UNC5D: variants seen among roughly 807,000 people sequenced by gnomAD.
The protein encoded by UNC5D is netrin receptor UNC5D.
Under a neutral mutation model 105.4 loss-of-function variants are expected in UNC5D, and 39 were observed. The observed-to-expected ratio is 0.37, with a 90% CI of 0.29 to 0.48. UNC5D has a LOEUF of 0.48. Among genes scored for constraint, UNC5D ranks in the 20% least tolerant of loss-of-function variants. UNC5D has a pLI of 0.98. For missense variants in UNC5D, 991 were observed against 1,202.4 expected, an observed-to-expected ratio of 0.82 and a Z score of 2.60; for synonymous variants, 452 against 450.4, an observed-to-expected ratio of 1.00 and a Z score of -0.04.
At chr8:35,580,301 A>T (rs1254854033) in intron 3 of UNC5D, among the ~76,000 whole-genome samples, 1 of 152,178 alleles carries the variant, frequency 6.6e-6, no homozygotes, top group African/African-American at 2.4e-5. Flanking sequence ...ATTGAGAGTC[A>T]CTGGCAAGTA....
chr8:35,237,329 T>A (rs1429973705), intron 1 of UNC5D, among the ~76,000 whole-genome samples: 1 of 152,040 alleles, frequency 6.6e-6, no homozygotes, highest in African/African-American at 2.4e-5. Flanking sequence ...TTCAGCCATT[T>A]AATTTACTAC....
At chr8:35,544,594 CGTTTT>C in intron 1 of UNC5D, 3 of 645,122 alleles carry the variant, frequency 4.7e-6, no homozygotes, top group Non-Finnish European at 6.4e-6. Context: ...CTTTCGTTTT[CGTTTT>C]TTTTTTTTTT....
At chr8:35,675,778 C>A (rs993642437) in intron 4 of UNC5D, among the ~76,000 whole-genome samples, 2 of 151,756 alleles carry the variant, frequency 1.3e-5, no homozygotes, top group African/African-American at 4.8e-5. Context: ...TTGTTTTTTC[C>A]ATTTCTAAAG....
chr8:35,769,486 A>G (rs531539190), intron 15 of UNC5D, among the ~76,000 whole-genome samples: 41 of 152,330 alleles, frequency 2.7e-4, no homozygotes, highest in African/African-American at 9.6e-4. Context: ...TCTTCAAAAG[A>G]ACAAAGGATG....
At chr8:35,363,928 G>C (rs886453375) in intron 1 of UNC5D, among the ~76,000 whole-genome samples, 4 of 152,076 alleles carry the variant, frequency 2.6e-5, no homozygotes, top group African/African-American at 7.2e-5. Context: ...TACAGCTGTA[G>C]TCCCAGCACT....
At chr8:35,711,823 C>T (rs1484936738) in intron 8 of UNC5D, among the ~76,000 whole-genome samples, 1 of 152,112 alleles carries the variant, frequency 6.6e-6, no homozygotes, top group Non-Finnish European at 1.5e-5. Context: ...GTCTGGATTC[C>T]CTATCTGATA....
intron 2 of UNC5D, among the ~76,000 whole-genome samples, chr8:35,565,725 C>T (rs1006344339): frequency 6.6e-6 from 1 of 152,070 alleles, no homozygotes; most frequent in East Asian, 1.9e-4. Flanking sequence ...AGTCTTTAAT[C>T]CAATTTGAGT....
chr8:35,387,314 G>C lies in UNC5D; in HGVS notation c.103+151427G>C, dbSNP rs562979851. 2.3e-4 allele frequency among the ~76,000 whole-genome samples: 34 copies of C among 146,350 alleles called. No individual in the cohort carries two copies. The South Asian group carries it at 6.6e-3, about 28-fold the overall frequency. The stretch of plus-strand genomic sequence containing the variant: ...GGAGGCGGAGTTTGTAGTGAGTAGA[G>C]ATCGCGCCACTGCACTCCAGCCTGG... On this transcript the variant is annotated intron_variant, in intron 1 of 16. Coordinates refer to ENST00000404895, the MANE Select transcript of UNC5D (RefSeq NM_080872.4).
At chr8:35,718,537 G>C (rs1265693616) in intron 8 of UNC5D, among the ~76,000 whole-genome samples, 2 of 152,300 alleles carry the variant, frequency 1.3e-5, no homozygotes, top group South Asian at 4.1e-4. Flanking sequence ...ATGATGATTG[G>C]CAAGTTTCCC....
intron 1 of UNC5D, among the ~76,000 whole-genome samples, chr8:35,316,944 A>T (rs1330366682): frequency 6.6e-6 from 1 of 152,222 alleles, no homozygotes; most frequent in East Asian, 1.9e-4. Context: ...AAAGAAATGA[A>T]GTCATTTCAG....
intron 14 of UNC5D, among the ~76,000 whole-genome samples, chr8:35,763,700 C>A (rs1339076401): frequency 6.6e-6 from 1 of 152,150 alleles, no homozygotes; most frequent in Non-Finnish European, 1.5e-5. Context: ...TGGTTACTTT[C>A]ATTGAAGTGC....
At chr8:35,597,636 G>A (rs1819571133) in intron 4 of UNC5D, among the ~76,000 whole-genome samples, 1 of 152,136 alleles carries the variant, frequency 6.6e-6, no homozygotes, top group Non-Finnish European at 1.5e-5. Flanking sequence ...CAGCAGAGAG[G>A]GGTGCTAATG....
chr8:35,564,947 A>T (rs1817228436), intron 2 of UNC5D, among the ~76,000 whole-genome samples: 1 of 152,132 alleles, frequency 6.6e-6, no homozygotes, highest in East Asian at 1.9e-4. Context: ...TTTGTGGCTG[A>T]GTGGCGCTCC....
chr8:35,396,812 T>C (rs1804130434), intron 1 of UNC5D, among the ~76,000 whole-genome samples: 1 of 151,778 alleles, frequency 6.6e-6, no homozygotes, highest in Non-Finnish European at 1.5e-5. Context: ...GGTGGCTTTT[T>C]TTTTTTTTGT....
At chr8:35,710,931 A>ATTTTTTTTTTTTTTTT (rs1827896059) in intron 8 of UNC5D, among the ~76,000 whole-genome samples, 2 of 122,026 alleles carry the variant, frequency 1.6e-5, no homozygotes, top group African/African-American at 8.3e-5. Flanking sequence ...GCTCAGCATT[A>ATTTTTTTTTTTTTTTT]TTCTTTTTTT....
intron 1 of UNC5D, among the ~76,000 whole-genome samples, chr8:35,244,879 G>A (rs1802996450): frequency 6.6e-6 from 1 of 151,788 alleles, no homozygotes; most frequent in African/African-American, 2.4e-5. Flanking sequence ...AGCTGGACGT[G>A]GTTGTTCGTG....
At chr8:35,512,320 A>C (rs1395083071) in intron 1 of UNC5D, among the ~76,000 whole-genome samples, 1 of 151,014 alleles carries the variant, frequency 6.6e-6, no homozygotes, top group Non-Finnish European at 1.5e-5. Context: ...TCAAGAGTTC[A>C]AGACAAGCCT....
chr8:35,525,550 G>A lies in UNC5D; in HGVS notation c.104-23742G>A, dbSNP rs777402452. ...GCTAGGGGAGGAGGGGTTTCTGTTCGGTCATTAATTATTTCCACTTCTGAA... is the reference window on the plus strand; with the variant it reads ...GCTAGGGGAGGAGGGGTTTCTGTTCAGTCATTAATTATTTCCACTTCTGAA... On this transcript the variant is annotated intron_variant, in intron 1 of 16. Coordinates refer to ENST00000404895, the MANE Select transcript of UNC5D (RefSeq NM_080872.4). The A allele has an allele frequency of 6.2e-6, 10 of 1,612,222 alleles. No homozygotes were observed. In the African/African-American group the frequency reaches 6.7e-5, roughly 11 times the overall value.
chr8:35,369,334 G>A (rs1034674539), intron 1 of UNC5D, among the ~76,000 whole-genome samples: 3 of 152,148 alleles, frequency 2.0e-5, no homozygotes, highest in African/African-American at 7.2e-5. Context: ...GACATTAACA[G>A]ATAGCATGAT....
Sources: gnomAD v4.1 joint callset for allele counts (sites outside exome capture counted in the v4.1 genomes callset) on GRCh38, gnomAD v4.1.1 for gene constraint, MANE v1.5 for transcripts, NCBI Gene and HGNC (gene_info 2026-07-23, HGNC 2026-07-21) for gene names.